The following AGBL4 variants were observed in gnomAD, a reference collection of about 807,000 sequenced individuals.
AGBL4 encodes cytosolic carboxypeptidase 6.
In AGBL4, 58 loss-of-function variants were observed where a neutral mutation model predicts 66.4. The observed-to-expected ratio is 0.87, with a 90% CI of 0.71 to 1.09. The LOEUF is 1.09. Ranked by LOEUF, AGBL4 falls within the 50% of genes least tolerant of loss-of-function variation. AGBL4 has a pLI of 0.00. For synonymous variants in AGBL4, 234 were observed against 222.9 expected (o/e 1.05, Z -0.44); for missense variants, 579 against 631.0 (o/e 0.92, Z 0.88).
chr1:49,224,230 C>T (rs1348566008), intron 4 of AGBL4, among the ~76,000 whole-genome samples: 1 of 152,086 alleles, frequency 6.6e-6, no homozygotes, highest in East Asian at 1.9e-4. Flanking sequence ...AAAGGGACTT[C>T]AGTCATCAGT....
intron 6 of AGBL4, chr1:48,776,919 G>T: frequency 1.6e-6 from 1 of 639,924 alleles, no homozygotes. Flanking sequence ...CGCGAGTCTC[G>T]CTACGGTGCT....
chr1:49,819,839 G>C (rs547253125), intron 2 of AGBL4, among the ~76,000 whole-genome samples: 3 of 152,170 alleles, frequency 2.0e-5, no homozygotes, highest in Non-Finnish European at 2.9e-5. Flanking sequence ...CTAGTAGAAA[G>C]AGCAGAGTTC....
Position 49,510,097 on chromosome 1 carries a change from C to A in AGBL4, c.282+187216G>T, listed in dbSNP as rs890311562. Among the ~76,000 whole-genome samples, 4 of 151,938 alleles carry A rather than the reference C, an allele frequency of 2.6e-5. No homozygotes were observed. In the East Asian group the frequency reaches 7.7e-4, roughly 29 times the overall value. ...AATTAAGAGGGTAAGTAGCTCAGGA[C>A]ATTCTCCCCATAGCATCATCCTCTA... On this transcript the variant is annotated intron_variant, in intron 3 of 13. Coordinates refer to ENST00000371839, the MANE Select transcript of AGBL4 (RefSeq NM_032785.4).
rs567318975 is a variant in AGBL4 at position 49,756,201 on chromosome 1, T to C, written c.158-58764A>G. On this transcript the variant is annotated intron_variant, in intron 2 of 13. Transcript: ENST00000371839. ...CAGGTCAGCACCCTCATAATTTACA[T>C]GTCCCCTCCAAATATATAGTAATTA... 3.9e-5 allele frequency among the ~76,000 whole-genome samples: 6 copies of C among 152,194 alleles called. No homozygotes were observed. In the South Asian group the frequency reaches 1.2e-3, roughly 32 times the overall value.
chr1:48,875,419 A>G (rs932105939), intron 5 of AGBL4, among the ~76,000 whole-genome samples: 9 of 152,200 alleles, frequency 5.9e-5, no homozygotes, highest in Admixed American at 2.6e-4. Context: ...GAGAGAGTAG[A>G]TAAGCGTGGA....
At chr1:49,734,001 C>T (rs1649663205) in intron 2 of AGBL4, among the ~76,000 whole-genome samples, 1 of 152,076 alleles carries the variant, frequency 6.6e-6, no homozygotes, top group Non-Finnish European at 1.5e-5. Context: ...ACTAATATAA[C>T]ACACCATACT....
At chr1:49,101,208 G>A (rs1051868008) in intron 4 of AGBL4, among the ~76,000 whole-genome samples, 3 of 150,328 alleles carry the variant, frequency 2.0e-5, no homozygotes, top group Non-Finnish European at 4.4e-5. Flanking sequence ...TTTTAATTGA[G>A]ACAGAGTTTC....
intron 9 of AGBL4, among the ~76,000 whole-genome samples, chr1:48,591,599 A>G (rs1644919794): frequency 1.3e-5 from 2 of 152,208 alleles, no homozygotes; most frequent in South Asian, 4.1e-4. Context: ...GATGTAATAT[A>G]AATAAAAAAT....
intron 5 of AGBL4, among the ~76,000 whole-genome samples, chr1:49,021,599 C>A (rs532784207): frequency 7.9e-5 from 12 of 152,272 alleles, no homozygotes; most frequent in African/African-American, 2.6e-4. Flanking sequence ...TATTTTGGCA[C>A]CCTTACCTCA....
chr1:48,836,686 T>C (rs1340272875), intron 6 of AGBL4, among the ~76,000 whole-genome samples: 2 of 152,152 alleles, frequency 1.3e-5, no homozygotes, highest in East Asian at 1.9e-4. Context: ...ATGATACGTA[T>C]AATAATTTCT....
chr1:48,879,524 T>G (rs1649558437), intron 5 of AGBL4, among the ~76,000 whole-genome samples: 1 of 151,176 alleles, frequency 6.6e-6, no homozygotes, highest in African/African-American at 2.5e-5. Flanking sequence ...TGCTTTTATT[T>G]TCCCTTGCCT....
chr1:48,703,591 G>A (rs320040), intron 6 of AGBL4, among the ~76,000 whole-genome samples: 139,158 of 152,170 alleles, frequency 0.91, 64,882 homozygotes, highest in Non-Finnish European at 1. Context: ...GTCAAAAGCC[G>A]AAAAGAGATC....
chr1:49,326,097 T>A (rs551387579), intron 3 of AGBL4, among the ~76,000 whole-genome samples: 1 of 152,224 alleles, frequency 6.6e-6, no homozygotes, highest in Non-Finnish European at 1.5e-5. Flanking sequence ...TAGAACTTCA[T>A]AGTCAAACTG....
At chr1:49,564,825 G>T (rs954886172) in intron 3 of AGBL4, among the ~76,000 whole-genome samples, 1 of 152,040 alleles carries the variant, frequency 6.6e-6, no homozygotes, top group Non-Finnish European at 1.5e-5. Flanking sequence ...TATTAGGTCC[G>T]CTTGGTGCAG....
intron 3 of AGBL4, among the ~76,000 whole-genome samples, chr1:49,555,154 C>A (rs1259308804): frequency 6.6e-6 from 1 of 152,084 alleles, no homozygotes; most frequent in Non-Finnish European, 1.5e-5. Context: ...AGCTGATTGG[C>A]CCATTTTACA....
intron 11 of AGBL4, among the ~76,000 whole-genome samples, chr1:48,560,063 C>T (rs142308029): frequency 6.6e-5 from 10 of 152,328 alleles, no homozygotes; most frequent in African/African-American, 2.4e-4. Flanking sequence ...TCCATGAAAT[C>T]TTTGAAACTT....
intron 5 of AGBL4, among the ~76,000 whole-genome samples, chr1:49,029,291 T>C (rs903840489): frequency 1.3e-5 from 2 of 152,208 alleles, no homozygotes; most frequent in Non-Finnish European, 2.9e-5. Flanking sequence ...TTGCAGATGA[T>C]ATGATCTTGT....
chr1:48,735,962 T>C (rs1406983679), intron 6 of AGBL4, among the ~76,000 whole-genome samples: 2 of 152,164 alleles, frequency 1.3e-5, no homozygotes, highest in Non-Finnish European at 2.9e-5. Flanking sequence ...GCTAAGGGTA[T>C]CCTCCCCTCC....
chr1:49,147,535 C>T (rs1047319800), intron 4 of AGBL4, among the ~76,000 whole-genome samples: 5 of 152,108 alleles, frequency 3.3e-5, no homozygotes, highest in Admixed American at 6.6e-5. Context: ...CAAGGTCACA[C>T]AGTAGCTAGT....
Sources: gnomAD v4.1 joint callset for allele counts (sites outside exome capture counted in the v4.1 genomes callset) on GRCh38, gnomAD v4.1.1 for gene constraint, MANE v1.5 for transcripts, NCBI Gene and HGNC (gene_info 2026-07-23, HGNC 2026-07-21) for gene names.